Variants in AUP1 observed in about 807,000 individuals in gnomAD.
The protein encoded by AUP1 is AUP1 lipid droplet regulating VLDL assembly factor, also known as lipid droplet-regulating VLDL assembly factor AUP1.
Under a neutral mutation model 51.8 loss-of-function variants are expected in AUP1, and 30 were observed. The ratio of observed to expected loss-of-function variants is 0.58; its 90% confidence interval spans 0.43 to 0.79. The LOEUF (loss-of-function observed/expected upper bound fraction) is 0.79, where lower values mean the gene tolerates loss of function less well. Ranked by LOEUF, AUP1 falls within the 30% of genes least tolerant of loss-of-function variation. AUP1 has a pLI of 0.00. For missense variants in AUP1, 492 were observed against 517.1 expected (o/e 0.95, Z 0.47); for synonymous variants, 227 against 209.0 (o/e 1.09, Z -0.74).
rs2104351967 is a variant in AUP1 at position 74,527,756 on chromosome 2, G to C, written c.821C>G (p.Pro274Arg). 6.2e-7 allele frequency: 1 copy of C among 1,614,018 alleles called. No individual in the cohort carries two copies. Among genetic ancestry groups the C allele is most frequent in the East Asian group, 2.2e-5 (1 of 44,874 alleles). The change falls in exon 8 of 12, where the codon CCC (proline) becomes CGC (arginine). Residue 274 changes from proline to arginine, a missense_variant. Pro to Arg is a moderately radical substitution (Grantham distance 103). Coordinates refer to ENST00000377526, the MANE Select transcript of AUP1 (RefSeq NM_181575.5). Reference protein sequence around the residue: ...KAEHMKRQRHPRLRPQSAQSS... With the variant: ...KAEHMKRQRHRRLRPQSAQSS... ...CATACCTGACTGGGGGCGCAATCTG[G>C]GGTGTCTTTGTCGCTTCATGTGCTC...
In AUP1 at chr2:74,529,563, C is replaced by G. The variant is rs759810557; in HGVS notation, c.50+17G>C. The G allele has an allele frequency of 4.1e-5, 64 of 1,555,806 alleles. No individual in the cohort carries two copies. The highest frequency in any genetic ancestry group is 5.3e-5 in the Non-Finnish European group (61 of 1,147,386). On this transcript the variant is annotated intron_variant, in intron 1 of 11. Coordinates refer to ENST00000377526, the MANE Select transcript of AUP1 (RefSeq NM_181575.5). ...GAGAGCACGCGGGGATCGGTCTCTT[C>G]CCGCCGGGTCTCTTACCGGTGCGAG...
Position 74,529,175 on chromosome 2 carries a change from G to C in AUP1, c.296C>G (p.Pro99Arg). ...CAAATTGACTATGTTGTGGTCGAAA[G>C]GTGTCACATGGTTGGAAATGAGGAC... ...VRVLISNHVT[P>R]FDHNIVNLLT... The change falls in exon 3 of 12, where the codon CCT becomes CGT. Residue 99 changes from proline (P) to arginine (R), a missense_variant. By Grantham distance (103) the Pro-to-Arg change is moderately radical. Transcript: ENST00000377526. 6.2e-7 allele frequency: 1 copy of C among 1,614,216 alleles called. No individual in the cohort carries two copies. Among genetic ancestry groups the C allele is most frequent in the Non-Finnish European group, 8.5e-7 (1 of 1,180,024 alleles).
Position 74,529,348 on chromosome 2 carries a change from G to A in AUP1, c.188+14C>T, listed in dbSNP as rs374920826. 4.3e-6 allele frequency: 7 copies of A among 1,612,628 alleles called. No individual in the cohort carries two copies. The Admixed American group carries it at 6.7e-5, about 15-fold the overall frequency. ...GACCCAGCTCTGACACTCCCCGAACGCCCGCGTCGGAACCTGCGAAGGACG... is the reference window on the plus strand; with the variant it reads ...GACCCAGCTCTGACACTCCCCGAACACCCGCGTCGGAACCTGCGAAGGACG... On this transcript the variant is annotated intron_variant, in intron 2 of 11. Coordinates refer to ENST00000377526, the MANE Select transcript of AUP1 (RefSeq NM_181575.5).
rs397746776 is a variant in AUP1 at position 74,528,994 on chromosome 2, A to AC, written c.340-60dup. ...AATATTGAGGAAAATGAAAAAAAAAACTGACATGTTGGGTAGAGGATCGGG... is the reference window on the plus strand; with the variant it reads ...AATATTGAGGAAAATGAAAAAAAAAACCTGACATGTTGGGTAGAGGATCGGG... On this transcript the variant is annotated intron_variant, in intron 3 of 11. Transcript: ENST00000377526. The AC allele has an allele frequency of 8.4e-5, 135 of 1,606,370 alleles. No homozygotes were observed. In the South Asian group the frequency reaches 1.1e-3, roughly 14 times the overall value.
At chr2:74,527,655 A>C in intron 8 of AUP1, 65 bp from the exon 9 acceptor site, 3 of 1,590,714 alleles carry the variant, frequency 1.9e-6, no homozygotes, top group Non-Finnish European at 2.6e-6. Flanking sequence ...GGAGAGGCTA[A>C]CTAGCACAGA....
chr2:74,527,275 C>A lies in AUP1; in HGVS notation c.1050G>T (p.Gln350His), dbSNP rs1197576332. Residue 350 changes from glutamine to histidine, a missense_variant, in exon 10 of 12, where the codon CAG (glutamine) becomes CAT (histidine). Gln to His is a conservative substitution (Grantham distance 24). Transcript: ENST00000377526. ...FMPEDITKGTQSLPTASASKF... is the reference protein window; with the variant it reads ...FMPEDITKGTHSLPTASASKF... ...TGGAGGCAGAGGCTGTGGGTAGGGA[C>A]TGAGTTCCCTTGGTGATGTCTTCAG... 6.2e-7 allele frequency: 1 copy of A among 1,613,836 alleles called. No homozygotes were observed. The highest frequency in any genetic ancestry group is 1.3e-5 in the African/African-American group (1 of 74,902).
chr2:74,529,381 G>A lies in AUP1; in HGVS notation c.169C>T (p.Pro57Ser). Residue 57 changes from proline to serine, a missense_variant, in exon 2 of 12, where the codon CCA becomes TCA. By Grantham distance (74) the Pro-to-Ser change is moderately conservative. Transcript: ENST00000377526. ...CGGAACCTGCGAAGGACGCTGTCTGGCAGCGCGCAGCTGACCAGGAAGACG... is the reference window on the plus strand; with the variant it reads ...CGGAACCTGCGAAGGACGCTGTCTGACAGCGCGCAGCTGACCAGGAAGACG... ...IHVFLVSCALPDSVLRRFVVR... is the reference protein window; with the variant it reads ...IHVFLVSCALSDSVLRRFVVR... 1 of 1,608,732 alleles carries A rather than the reference G, an allele frequency of 6.2e-7. No homozygotes were observed. The highest frequency in any genetic ancestry group is 8.5e-7 in the Non-Finnish European group (1 of 1,177,464).
At chr2:74,528,704 G>A (rs1675325845) in intron 4 of AUP1, 47 bp downstream of exon 4, 10 of 1,546,308 alleles carry the variant, frequency 6.5e-6, no homozygotes, top group African/African-American at 1.4e-5. Context: ...GGGCCCACAA[G>A]CTTGACCACC....
chr2:74,527,449 G>A, intron 9 of AUP1, 22 bp downstream of exon 9: 1 of 1,611,170 alleles, frequency 6.2e-7, no homozygotes, highest in Non-Finnish European at 8.5e-7. Context: ...ATCTCCCAGT[G>A]TGGGGCCACC....
chr2:74,528,560 C>T, intron 4 of AUP1, 71 bp from the exon 5 acceptor site: 3 of 1,443,020 alleles, frequency 2.1e-6, no homozygotes, highest in South Asian at 1.2e-5. Flanking sequence ...TGCCTTATAA[C>T]AGGCAACTGT....
chr2:74,528,043 C>T (rs371296118), intron 6 of AUP1, 37 bp from the exon 7 acceptor site: 1 of 1,611,802 alleles, frequency 6.2e-7, no homozygotes, highest in Non-Finnish European at 8.5e-7. Context: ...TTGTGGGCAC[C>T]CAGGGTAGAG....
In AUP1 at chr2:74,526,960, G is replaced by A. The variant is rs1558604752; in HGVS notation, c.1177C>T (p.Leu393=). 6.8e-6 allele frequency: 11 copies of A among 1,613,988 alleles called. No homozygotes were observed. The highest frequency in any genetic ancestry group is 8.5e-6 in the Non-Finnish European group (10 of 1,180,044). The change falls in exon 11 of 12, where the codon CTA becomes TTA. Residue 393 remains leucine (L), a synonymous_variant. Transcript: ENST00000377526. ...CCTCACCTTCTTGCGTATTCATATAGTGCTTGCTTGCGCTCCTGCAGGCTC... is the reference window on the plus strand; with the variant it reads ...CCTCACCTTCTTGCGTATTCATATAATGCTTGCTTGCGCTCCTGCAGGCTC... ...QESLQERKQA[L]YEYARRRFTE...
rs1436841739 is a variant in AUP1 at position 74,529,340 on chromosome 2, C to A, written c.188+22G>T. On this transcript the variant is annotated intron_variant, in intron 2 of 11. Coordinates refer to ENST00000377526, the MANE Select transcript of AUP1 (RefSeq NM_181575.5). ...TCGGGCCAGACCCAGCTCTGACACT[C>A]CCCGAACGCCCGCGTCGGAACCTGC... The A allele has an allele frequency of 4.3e-6, 7 of 1,613,054 alleles. No homozygotes were observed. In the Admixed American group the frequency reaches 1.0e-4, roughly 23 times the overall value.
chr2:74,528,547 A>G (rs910926876), intron 4 of AUP1, 58 bp from the exon 5 acceptor site: 14 of 1,497,796 alleles, frequency 9.3e-6, no homozygotes, highest in African/African-American at 1.4e-5. Context: ...AGCAGCTCAC[A>G]CCTGCCTTAT....
chr2:74,527,886 C>T (rs774931595), intron 7 of AUP1, 48 bp from the exon 8 acceptor site: 31 of 1,613,578 alleles, frequency 1.9e-5, no homozygotes, highest in Non-Finnish European at 2.4e-5. Flanking sequence ...AAGCTTTCCT[C>T]CCTCTCCTCC....
At position 74,529,116 on chromosome 2, in the gene AUP1, CCTCGCT is replaced by C. The variant is rs766568020; in HGVS notation, c.339+10_339+15del. On this transcript the variant is annotated intron_variant, in intron 3 of 11. Coordinates refer to ENST00000377526, the MANE Select transcript of AUP1 (RefSeq NM_181575.5). The stretch of plus-strand genomic sequence containing the variant: ...GGGAACCGCCCCGTGGCGCTCTCGG[CCTCGCT>C]CTCACTCACGGTGCTACAGGTGGTA... 4.3e-6 allele frequency: 7 copies of C among 1,614,202 alleles called. No homozygotes were observed. The East Asian group carries it at 1.6e-4, about 36-fold the overall frequency.
chr2:74,527,242 T>A lies in AUP1; in HGVS notation c.1077+6A>T, dbSNP rs1298685107. On this transcript the variant is annotated splice_donor_region_variant and intron_variant, in intron 10 of 11. Transcript: ENST00000377526. ...CACTTGGATCTGACCATTTCCTGGG[T>A]CTCACCTTGGAGGCAGAGGCTGTGG... The A allele has an allele frequency of 1.2e-6, 2 of 1,612,776 alleles. No homozygotes were observed. Among genetic ancestry groups the A allele is most frequent in the Admixed American group, 3.3e-5 (2 of 59,820 alleles).
Position 74,528,737 on chromosome 2 carries a change from T to C in AUP1, c.524+14A>G. The C allele has an allele frequency of 6.4e-7, 1 of 1,574,092 alleles. No homozygotes were observed. The highest frequency in any genetic ancestry group is 1.9e-5 in the Admixed American group (1 of 52,122). ...ACCTACCCAGCTGGCGCCCCATACC[T>C]GTGCTAAACCCACCTGAAGCGCAGG... On this transcript the variant is annotated intron_variant, in intron 4 of 11. Transcript: ENST00000377526.
At chr2:74,528,555 T>A in intron 4 of AUP1, 66 bp from the exon 5 acceptor site, 1 of 1,457,812 alleles carries the variant, frequency 6.9e-7, no homozygotes, top group Non-Finnish European at 9.6e-7. Context: ...ACACCTGCCT[T>A]ATAACAGGCA....
Sources: gnomAD v4.1 joint callset for allele counts on GRCh38, gnomAD v4.1.1 for gene constraint, MANE v1.5 for transcripts, NCBI Gene and HGNC (gene_info 2026-07-23, HGNC 2026-07-21) for gene names.